Variants in CCDC148 observed in about 807,000 individuals in gnomAD.
The protein encoded by CCDC148 is coiled-coil domain-containing protein 148.
Under a neutral mutation model 85.7 loss-of-function variants are expected in CCDC148, and 89 were observed. The observed-to-expected ratio is 1.04, with a 90% confidence interval of 0.87 to 1.24. The LOEUF is 1.24. CCDC148 is among the 50% of genes most tolerant of loss of function. The probability of loss-of-function intolerance (pLI) is 0.00; values close to 1 mark genes in which losing one functional copy is unlikely to be tolerated. For missense variants in CCDC148, 692 were observed against 671.7 expected (o/e 1.03, Z -0.33); for synonymous variants, 230 against 213.9 (o/e 1.08, Z -0.66).
In CCDC148 at chr2:158,338,724, A is replaced by G. The variant is rs1035725105; in HGVS notation, c.764+2T>C. On this transcript the variant is annotated splice_donor_variant, in intron 7 of 13. Transcript: ENST00000283233. LOFTEE classifies it high-confidence loss of function. Reference sequence around the variant, plus strand: ...ACACAGGACTCAGTTTTATCTTATCACCTGTATATGTCTTCCAACTGCAGA... The same window carrying G: ...ACACAGGACTCAGTTTTATCTTATCGCCTGTATATGTCTTCCAACTGCAGA... The G allele has an allele frequency of 6.3e-7, 1 of 1,593,292 alleles. No individual in the cohort carries two copies. Among genetic ancestry groups the G allele is most frequent in the Admixed American group, 1.9e-5 (1 of 53,670 alleles).
rs1265784834 is a variant in CCDC148, at chr2:158,306,666, C to T, written c.1110+2767G>A. On this transcript the variant is annotated intron_variant, in intron 9 of 13. Transcript: ENST00000283233. ...ACACAGGAAGGGGAACATCACACAC[C>T]GGGGCCTGTTGCAGGGTGGGGGAAG... 7.1e-5 allele frequency among the ~76,000 whole-genome samples: 10 copies of T among 140,358 alleles called. No individual in the cohort carries two copies. In the South Asian group the frequency reaches 7.9e-4, roughly 11 times the overall value. The allele number at this position is 140,358 out of a possible 152,430, so 92.1% of individuals were successfully genotyped here.
intron 7 of CCDC148, among the ~76,000 whole-genome samples, chr2:158,321,262 T>C (rs1172226324): frequency 1.3e-5 from 2 of 152,154 alleles, no homozygotes; most frequent in South Asian, 4.1e-4. Context: ...AATAAAATCA[T>C]GGTCCACACT....
At chr2:158,446,318 C>T (rs78906035) in intron 1 of CCDC148, among the ~76,000 whole-genome samples, 11,346 of 151,714 alleles carry the variant, frequency 0.075, 569 homozygotes, top group Middle Eastern at 0.11. Context: ...CACCACAGCA[C>T]TCTAGCTATC....
rs772023043 is a variant in CCDC148 at position 158,340,682 on chromosome 2, T to C, written c.252-2A>G. ...TTTATTTCAGATTCCATTTTACATC[T>C]GAAATAGATGTGATCTCAATAAATG... On this transcript the variant is annotated splice_acceptor_variant, in intron 3 of 13. Coordinates refer to ENST00000283233, the MANE Select transcript of CCDC148 (RefSeq NM_138803.4). LOFTEE classifies it high-confidence loss of function. 21 of 1,486,786 alleles carry C rather than the reference T, an allele frequency of 1.4e-5. No individual in the cohort carries two copies. The Admixed American group carries it at 3.5e-4, about 25-fold the overall frequency. 92.1% of individuals were successfully genotyped at this position (1,486,786 alleles called of 1,614,324 possible). A position where few individuals can be genotyped will look rare whatever the true frequency, so the allele number is the denominator to read the frequency against.
At chr2:158,305,357 C>T (rs2105203968) in intron 9 of CCDC148, among the ~76,000 whole-genome samples, 1 of 152,290 alleles carries the variant, frequency 6.6e-6, no homozygotes, top group South Asian at 2.1e-4. Context: ...GGGACACAGG[C>T]CCTGCCTGAG....
chr2:158,399,987 T>G (rs1019430880), intron 1 of CCDC148, among the ~76,000 whole-genome samples: 6 of 152,058 alleles, frequency 3.9e-5, no homozygotes, highest in African/African-American at 1.4e-4. Context: ...GAATCCAACT[T>G]ACAAGGGATG....
At chr2:158,176,331 C>A (rs1684583255) in intron 13 of CCDC148, among the ~76,000 whole-genome samples, 190 bp downstream of exon 13, 2 of 151,776 alleles carry the variant, frequency 1.3e-5, no homozygotes, top group African/African-American at 4.8e-5. Flanking sequence ...TCTATGGTAG[C>A]CTATTAACTA....
chr2:158,203,523 A>G (rs1420680059), intron 11 of CCDC148, among the ~76,000 whole-genome samples: 1 of 152,190 alleles, frequency 6.6e-6, no homozygotes. Flanking sequence ...CTCACAAAAC[A>G]AAGACCTTAT....
intron 1 of CCDC148, chr2:158,447,351 G>A (rs893728464): frequency 6.6e-6 from 1 of 152,146 alleles, no homozygotes; most frequent in Non-Finnish European, 1.5e-5. Flanking sequence ...TAACAGTACA[G>A]ACACCTGATC....
chr2:158,282,231 CCT>C (rs1340325954), intron 9 of CCDC148, among the ~76,000 whole-genome samples: 1 of 152,006 alleles, frequency 6.6e-6, no homozygotes, highest in Non-Finnish European at 1.5e-5. Flanking sequence ...ACAGGGATGC[CCT>C]CTCTCACCAC....
At chr2:158,426,125 A>T (rs1302556422) in intron 1 of CCDC148, among the ~76,000 whole-genome samples, 2 of 117,482 alleles carry the variant, frequency 1.7e-5, no homozygotes, top group East Asian at 2.4e-4. Flanking sequence ...TGTGGTAGGA[A>T]CTATAGTTTA....
intron 9 of CCDC148, among the ~76,000 whole-genome samples, chr2:158,256,341 C>A (rs188338437): frequency 9.4e-4 from 142 of 151,678 alleles, no homozygotes; most frequent in African/African-American, 3.3e-3. Flanking sequence ...CAGGTTACCC[C>A]TATAGTTCAT....
intron 1 of CCDC148, among the ~76,000 whole-genome samples, chr2:158,416,156 G>A (rs1341798895): frequency 2.6e-5 from 4 of 152,236 alleles, no homozygotes; most frequent in Non-Finnish European, 2.9e-5. Flanking sequence ...GGCTGGAGCT[G>A]GAGTGGCTGG....
chr2:158,286,487 C>A (rs757966677), intron 9 of CCDC148, among the ~76,000 whole-genome samples: 1 of 152,170 alleles, frequency 6.6e-6, no homozygotes, highest in Non-Finnish European at 1.5e-5. Context: ...AATAGGACTT[C>A]TTTTTTAGAA....
intron 11 of CCDC148, 61 bp downstream of exon 11, chr2:158,220,534 C>A: frequency 9.0e-7 from 1 of 1,110,082 alleles, no homozygotes. Context: ...TTTATTCTAA[C>A]ACTTTACAAA....
At position 158,443,239 on chromosome 2, in the gene CCDC148, G is replaced by A. The variant is rs112096231; in HGVS notation, c.25+13176C>T. Among the ~76,000 whole-genome samples the A allele has an allele frequency of 6.6e-5, 10 of 151,968 alleles. No individual in the cohort carries two copies. In the East Asian group the frequency reaches 1.2e-3, roughly 18 times the overall value. On this transcript the variant is annotated intron_variant, in intron 1 of 13. Coordinates refer to ENST00000283233, the MANE Select transcript of CCDC148 (RefSeq NM_138803.4). Reference sequence around the variant, plus strand: ...CTGTAATGTCAGCACTTTGGGAGTCGGGGTGGGAGGATCTCTTGGGAGTCC... The same window carrying A: ...CTGTAATGTCAGCACTTTGGGAGTCAGGGTGGGAGGATCTCTTGGGAGTCC...
intron 9 of CCDC148, among the ~76,000 whole-genome samples, chr2:158,276,298 G>A (rs375380786): frequency 1.4e-4 from 22 of 152,122 alleles, no homozygotes; most frequent in African/African-American, 5.1e-4. Context: ...GCCGGGCCTG[G>A]TGGCATGCAC....
chr2:158,276,609 T>A lies in CCDC148; in HGVS notation c.1111-25697A>T, dbSNP rs1689959311. ...ACAAAACAAAACAACTGCCTCATTA[T>A]ACTCGTGAGCTGCCTTTAAGACTGG... On this transcript the variant is annotated intron_variant, in intron 9 of 13. Transcript: ENST00000283233. Among the ~76,000 whole-genome samples, 4 of 150,074 alleles carry A rather than the reference T, an allele frequency of 2.7e-5. 1 individual carries two copies. The South Asian group carries it at 8.4e-4, about 31-fold the overall frequency.
chr2:158,430,217 G>C (rs2105331687), intron 1 of CCDC148, among the ~76,000 whole-genome samples: 1 of 152,298 alleles, frequency 6.6e-6, no homozygotes, highest in South Asian at 2.1e-4. Flanking sequence ...ATCATTCACA[G>C]TAGGGACCTC....
Sources: allele counts gnomAD v4.1 joint callset (sites outside exome capture counted in the v4.1 genomes callset), GRCh38; gene constraint gnomAD v4.1.1; transcripts MANE v1.5; gene names NCBI Gene and HGNC (gene_info 2026-07-23, HGNC 2026-07-21).